The following DYNC2H1 variants were observed in gnomAD, a reference collection of about 807,000 sequenced individuals.
DYNC2H1 encodes the protein dynein cytoplasmic 2 heavy chain 1.
DYNC2H1 carries 410 observed loss-of-function variants against 570.0 expected under a neutral mutation model. The ratio of observed to expected loss-of-function variants is 0.72; its 90% CI spans 0.66 to 0.78. The LOEUF (loss-of-function observed/expected upper bound fraction) is 0.78, where lower values mean the gene tolerates loss of function less well. DYNC2H1 is among the 30% of genes least tolerant of loss of function. The pLI is 0.00. For missense variants in DYNC2H1, 4,865 were observed against 5,046.4 expected (o/e 0.96, Z 1.09); for synonymous variants, 1,688 against 1,677.6 (o/e 1.01, Z -0.15).
chr11:103,471,894 G>A (rs1227554990), intron 88 of DYNC2H1, among the ~76,000 whole-genome samples: 2 of 152,168 alleles, frequency 1.3e-5, no homozygotes, highest in African/African-American at 4.8e-5. Flanking sequence ...TCTACCATGT[G>A]TGAACAATGA....
chr11:103,413,416 G>A (rs1943164681), intron 84 of DYNC2H1, among the ~76,000 whole-genome samples: 1 of 151,888 alleles, frequency 6.6e-6, no homozygotes, highest in South Asian at 2.1e-4. Flanking sequence ...TACTATTTAT[G>A]CAGAACTTTA....
At chr11:103,407,618 T>C (rs1942914065) in intron 84 of DYNC2H1, 1 of 151,850 alleles carries the variant, frequency 6.6e-6, no homozygotes, top group African/African-American at 2.4e-5. Context: ...ATAATGAAAT[T>C]TGTGGTATAG....
intron 50 of DYNC2H1, among the ~76,000 whole-genome samples, chr11:103,202,624 G>A (rs1465343427): frequency 6.6e-6 from 1 of 152,022 alleles, no homozygotes; most frequent in Non-Finnish European, 1.5e-5. Context: ...AAGCTTGTGG[G>A]GTGGGGGTGG....
chr11:103,320,538 C>T (rs1938123913), intron 80 of DYNC2H1, among the ~76,000 whole-genome samples: 1 of 152,188 alleles, frequency 6.6e-6, no homozygotes. Context: ...GAAGGTGTTT[C>T]ATAGAGTTTC....
rs1944432541 is a variant in DYNC2H1 at position 103,446,630 on chromosome 11, T to G, written c.12457-8556T>G. On this transcript the variant is annotated intron_variant, in intron 85 of 88. Transcript: ENST00000375735. The surrounding 1 kb of genome is among the most constrained non-coding windows in gnomAD (Gnocchi z 4.5). ...TATGAAGTAACACAGATGAATAGAG[T>G]GAGACTGACAGGGAGAAGAGCCAAA... 6.6e-6 allele frequency among the ~76,000 whole-genome samples: 1 copy of G among 151,920 alleles called. No homozygotes were observed. Among genetic ancestry groups the G allele is most frequent in the Non-Finnish European group, 1.5e-5 (1 of 67,954 alleles).
At chr11:103,121,639 A>G (rs1191909879) in intron 10 of DYNC2H1, 143 bp downstream of exon 10, 1 of 912,220 alleles carries the variant, frequency 1.1e-6, no homozygotes, top group South Asian at 2.2e-5. Context: ...AATGCAGAAC[A>G]CTGAAAAAGT....
At position 103,109,774 on chromosome 11, in the gene DYNC2H1, G is replaced by T. The variant is rs774148120; in HGVS notation, c.195+5G>T. ...GGAATCTCCTTTTCCAACACGGTAC[G>T]GTTCCTTGCACTCCTGCCTGACCCC... On this transcript the variant is annotated splice_donor_5th_base_variant and intron_variant, in intron 1 of 88. Coordinates refer to ENST00000375735, the MANE Select transcript of DYNC2H1 (RefSeq NM_001377.3). 5.6e-6 allele frequency: 9 copies of T among 1,610,064 alleles called. No homozygotes were observed. The highest frequency in any genetic ancestry group is 3.3e-5 in the Admixed American group (2 of 59,834).
At chr11:103,474,140 G>A in intron 88 of DYNC2H1, 1 of 199,102 alleles carries the variant, frequency 5.0e-6, no homozygotes, top group Non-Finnish European at 1.1e-5. Context: ...GAAAAATCAG[G>A]GAAGTATATC....
chr11:103,253,941 A>AT, intron 66 of DYNC2H1, among the ~76,000 whole-genome samples: 1 of 152,142 alleles, frequency 6.6e-6, no homozygotes, highest in South Asian at 2.1e-4. Flanking sequence ...TTTCAAAATG[A>AT]TTTTTCATGT....
chr11:103,198,179 G>A, intron 48 of DYNC2H1, 116 bp downstream of exon 48: 2 of 1,213,104 alleles, frequency 1.6e-6, no homozygotes, highest in Admixed American at 2.7e-5. Context: ...GGCAAAGCTG[G>A]TTCTTATCTT....
At chr11:103,114,373 T>C (rs1005653104) in intron 3 of DYNC2H1, 135 bp downstream of exon 3, 4 of 1,019,498 alleles carry the variant, frequency 3.9e-6, no homozygotes, top group Non-Finnish European at 5.4e-6. Context: ...AAAAAATGAG[T>C]AGATTTATGT....
chr11:103,134,251 G>C (rs1040916840), intron 14 of DYNC2H1, 70 bp from the exon 15 acceptor site: 12 of 1,362,322 alleles, frequency 8.8e-6, no homozygotes, highest in Middle Eastern at 1.8e-4. Flanking sequence ...GTATCTGTCA[G>C]GTTTCTCCAC....
Position 103,171,318 on chromosome 11 carries a change from T to C in DYNC2H1, c.5334+250T>C, listed in dbSNP as rs1299224. ...TTGCCCAGGCTGGAGTGCAGTGGTG[T>C]GATCTTGGCTCACTGCCACCTCTGC... On this transcript the variant is annotated intron_variant, in intron 34 of 88. Transcript: ENST00000375735. 0.69 allele frequency among the ~76,000 whole-genome samples: 104,998 copies of C among 151,740 alleles called. 36,875 individuals carry two copies. The highest frequency in any genetic ancestry group is 0.77 in the Admixed American group (11,746 of 15,228).
rs1357791036 is a variant in DYNC2H1 at position 103,166,018 on chromosome 11, G to T, written c.4732G>T (p.Asp1578Tyr). 1 of 1,531,876 alleles carries T rather than the reference G, an allele frequency of 6.5e-7. No homozygotes were observed. The highest frequency in any genetic ancestry group is 2.5e-5 in the East Asian group (1 of 39,978). The allele number at this position is 1,531,876 out of a possible 1,614,324, so 94.9% of individuals were successfully genotyped here. ...VNKLEQYTNI[D>Y]TSSEDPGNTE... ...TAAGTTAGAGCAATATACTAACATT[G>T]ATACAAGTTCTGAGGATCCAGGGAA... The change falls in exon 31 of 89, where the codon GAT (aspartate) becomes TAT (tyrosine). Residue 1578 changes from aspartate (D) to tyrosine (Y), a missense_variant. Around this residue, in one of 5 missense-constraint regions of DYNC2H1, gnomAD observed 1,936 missense variants for 1,962.1 expected, o/e 0.99. Coordinates refer to ENST00000375735, the MANE Select transcript of DYNC2H1 (RefSeq NM_001377.3).
intron 20 of DYNC2H1, among the ~76,000 whole-genome samples, chr11:103,150,703 A>G (rs138594700): frequency 1.3e-5 from 2 of 152,342 alleles, no homozygotes; most frequent in Non-Finnish European, 2.9e-5. Context: ...TAATAAACAA[A>G]GGGTGTAAGA....
In DYNC2H1 at chr11:103,187,554, G is replaced by A; in HGVS notation, c.7108G>A (p.Gly2370Arg). The A allele has an allele frequency of 6.2e-7, 1 of 1,613,046 alleles. No individual in the cohort carries two copies. Among genetic ancestry groups the A allele is most frequent in the Non-Finnish European group, 8.5e-7 (1 of 1,179,370 alleles). ...DINLPKLDKW[G>R]TSTLVAFLQQ... ...CAACCTACCTAAACTTGATAAATGG[G>A]GGACCAGTACTTTGGTAGCATTCCT... Residue 2370 changes from glycine to arginine, a missense_variant, in exon 43 of 89, where the codon GGG (glycine) becomes AGG (arginine). Coordinates refer to ENST00000375735, the MANE Select transcript of DYNC2H1 (RefSeq NM_001377.3).
chr11:103,234,046 G>A lies in DYNC2H1; in HGVS notation c.9453G>A (p.Arg3151=). ...VSELKEKFQS[R]TSEAAKLEAE... Reference sequence around the variant, plus strand: ...AATGTTTACATAGATTTCAGAGCAGGACTTCAGAAGCTGCCAAACTTGAGG... The same window carrying A: ...AATGTTTACATAGATTTCAGAGCAGAACTTCAGAAGCTGCCAAACTTGAGG... Residue 3151 remains arginine, a synonymous_variant, in exon 61 of 89, where the codon AGG becomes AGA. Transcript: ENST00000375735. The A allele has an allele frequency of 6.4e-7, 1 of 1,555,834 alleles. No homozygotes were observed. Among genetic ancestry groups the A allele is most frequent in the Non-Finnish European group, 8.7e-7 (1 of 1,148,922 alleles).
chr11:103,470,864 C>T (rs1010968774), intron 88 of DYNC2H1, among the ~76,000 whole-genome samples: 15 of 152,196 alleles, frequency 9.9e-5, no homozygotes, highest in East Asian at 5.8e-4. Context: ...TCAATAGTGC[C>T]GCTATAAACA....
At chr11:103,286,188 T>G in intron 73 of DYNC2H1, 67 bp from the exon 74 acceptor site, 1 of 1,571,152 alleles carries the variant, frequency 6.4e-7, no homozygotes, top group South Asian at 1.2e-5. Flanking sequence ...TTTAGTTTTT[T>G]TAAAAATAAA....
Sources: allele counts gnomAD v4.1 joint callset (sites outside exome capture counted in the v4.1 genomes callset), GRCh38; gene constraint gnomAD v4.1.1; regional missense constraint gnomAD v4.1.1; non-coding constraint Gnocchi (gnomAD v3.1); transcripts MANE v1.5; gene names NCBI Gene and HGNC (gene_info 2026-07-23, HGNC 2026-07-21).